The following RBPMS variants were observed in gnomAD, a reference collection of about 807,000 sequenced individuals.
The protein encoded by RBPMS is RNA-binding protein with multiple splicing.
RBPMS carries 7 observed loss-of-function variants against 26.8 expected under a neutral mutation model. That is an observed-to-expected ratio of 0.26 (90% CI 0.15 to 0.49). The LOEUF is 0.49. Among genes scored for constraint, RBPMS ranks in the 20% least tolerant of loss-of-function variants. The probability of loss-of-function intolerance (pLI) is 0.98; values close to 1 mark genes in which losing one functional copy is unlikely to be tolerated. For synonymous variants in RBPMS, 96 were observed against 93.3 expected (o/e 1.03, Z -0.17); for missense variants, 186 against 250.0 (o/e 0.74, Z 1.73).
chr8:30,562,679 A>C (rs1827597477), intron 7 of RBPMS, among the ~76,000 whole-genome samples: 1 of 152,206 alleles, frequency 6.6e-6, no homozygotes, highest in African/African-American at 2.4e-5. Context: ...AACCAGAACA[A>C]GTCAAAAAGG....
chr8:30,507,397 C>T (rs762316149), intron 5 of RBPMS, among the ~76,000 whole-genome samples: 5 of 152,074 alleles, frequency 3.3e-5, no homozygotes, highest in East Asian at 1.9e-4. Context: ...ACTAGGCAAA[C>T]GTAAAGTACA....
intron 1 of RBPMS, chr8:30,442,690 G>T (rs1295089401): frequency 6.6e-6 from 1 of 152,154 alleles, no homozygotes; most frequent in Admixed American, 6.6e-5. Flanking sequence ...TCAGGTGCGC[G>T]GCCGCACTTC....
intron 5 of RBPMS, among the ~76,000 whole-genome samples, chr8:30,529,767 T>C (rs559723767): frequency 6.1e-5 from 9 of 146,416 alleles, no homozygotes; most frequent in African/African-American, 2.2e-4. Flanking sequence ...TTTTTTTTTT[T>C]GGTGAGATGG....
At chr8:30,551,671 G>A (rs771048544) in intron 6 of RBPMS, among the ~76,000 whole-genome samples, 1 of 152,172 alleles carries the variant, frequency 6.6e-6, no homozygotes, top group African/African-American at 2.4e-5. Flanking sequence ...TGCCGTCTGC[G>A]CTCGGCTCTT....
At chr8:30,501,855 AT>A (rs1195027772) in intron 4 of RBPMS, among the ~76,000 whole-genome samples, 1 of 151,850 alleles carries the variant, frequency 6.6e-6, no homozygotes, top group Admixed American at 6.6e-5. Flanking sequence ...AACACAAGGA[AT>A]TTTTTTCTCT....
rs77398043 is a variant in RBPMS at position 30,410,015 on chromosome 8, A to G, written c.66+24857A>G. Reference sequence around the variant, plus strand: ...AAAAGACAATTCACCCAACAAGTATATATTGAATACCTACTATGTGCCTGG... The same window carrying G: ...AAAAGACAATTCACCCAACAAGTATGTATTGAATACCTACTATGTGCCTGG... On this transcript the variant is annotated intron_variant, in intron 1 of 8. Coordinates refer to ENST00000397323, the MANE Select transcript of RBPMS (RefSeq NM_001008710.3). 7.6e-3 allele frequency among the ~76,000 whole-genome samples: 1,156 copies of G among 152,248 alleles called. 24 individuals carry two copies. In the East Asian group the frequency reaches 0.079, roughly 10 times the overall value.
chr8:30,479,384 AC>A lies in RBPMS; in HGVS notation c.246+8del. Reference sequence around the variant, plus strand: ...TGCAAAGAATGCTTTGAATGTAAGTACTAATGATGTAATTGTAGGGGGTTTC... The same window carrying A: ...TGCAAAGAATGCTTTGAATGTAAGTATAATGATGTAATTGTAGGGGGTTTC... On this transcript the variant is annotated splice_region_variant and intron_variant, in intron 4 of 8. Transcript: ENST00000397323. The A allele has an allele frequency of 6.3e-7, 1 of 1,591,316 alleles. No individual in the cohort carries two copies. The highest frequency in any genetic ancestry group is 8.6e-7 in the Non-Finnish European group (1 of 1,165,628).
chr8:30,561,119 A>G (rs10282995), intron 7 of RBPMS, among the ~76,000 whole-genome samples: 5,353 of 152,186 alleles, frequency 0.035, 317 homozygotes, highest in African/African-American at 0.12. Context: ...TGTTCTTTTA[A>G]AATGTTTAAT....
chr8:30,558,372 C>T (rs561779368), intron 6 of RBPMS: 2 of 185,212 alleles, frequency 1.1e-5, no homozygotes, highest in African/African-American at 4.7e-5. Flanking sequence ...GGGTACCAGA[C>T]ACACACAGTG....
At position 30,453,452 on chromosome 8, in the gene RBPMS, T is replaced by TA. The variant is rs1329543425; in HGVS notation, c.67-21319dup. On this transcript the variant is annotated intron_variant, in intron 1 of 8. Coordinates refer to ENST00000397323, the MANE Select transcript of RBPMS (RefSeq NM_001008710.3). ...CTGCTTTTCATATATTCTACTTTTC[T>TA]AAAAAAAAGAAACAAAACAGCTTTT... 3.9e-5 allele frequency among the ~76,000 whole-genome samples: 6 copies of TA among 151,980 alleles called. No individual in the cohort carries two copies. The East Asian group carries it at 5.8e-4, about 15-fold the overall frequency.
Position 30,504,369 on chromosome 8 carries a change from CG to C in RBPMS, c.331del (p.Val111Ter). ...ANTKMAKNKL[V>X]GTPNPSTPLP... ...ACACGAAGATGGCCAAGAACAAACT[CG>C]TAGGGACTCCAAACCCCAGTACTCC... is the stretch of plus-strand genomic sequence containing the variant. On this transcript the variant is annotated frameshift_variant, in exon 5 of 9. Transcript: ENST00000397323. LOFTEE classifies it high-confidence loss of function. 1 of 1,614,180 alleles carries C rather than the reference CG, an allele frequency of 6.2e-7. No homozygotes were observed. Among genetic ancestry groups the C allele is most frequent in the Non-Finnish European group, 8.5e-7 (1 of 1,179,984 alleles).
intron 1 of RBPMS, among the ~76,000 whole-genome samples, chr8:30,425,539 T>G (rs1321291203): frequency 6.6e-6 from 1 of 151,956 alleles, no homozygotes; most frequent in African/African-American, 2.4e-5. Flanking sequence ...TAGCTGGGAT[T>G]AAGGCATGTG....
chr8:30,390,791 C>T (rs1272468865), intron 1 of RBPMS, among the ~76,000 whole-genome samples: 2 of 152,108 alleles, frequency 1.3e-5, no homozygotes, highest in Non-Finnish European at 2.9e-5. Context: ...TTACAGTATT[C>T]CCAATGTTCA....
intron 5 of RBPMS, among the ~76,000 whole-genome samples, chr8:30,513,932 C>T (rs1822010905): frequency 6.6e-6 from 1 of 152,154 alleles, no homozygotes; most frequent in African/African-American, 2.4e-5. Flanking sequence ...GCATGGTCCA[C>T]GCACCCCTGG....
intron 8 of RBPMS, among the ~76,000 whole-genome samples, chr8:30,569,599 G>T (rs1378708890): frequency 6.6e-6 from 1 of 152,200 alleles, no homozygotes; most frequent in South Asian, 2.1e-4. Flanking sequence ...GGAAAGATGA[G>T]CAGGGGTGGA....
chr8:30,568,389 C>T (rs528687908), intron 8 of RBPMS, among the ~76,000 whole-genome samples: 2 of 152,252 alleles, frequency 1.3e-5, no homozygotes, highest in African/African-American at 4.8e-5. Flanking sequence ...TGACTGGGTA[C>T]GAAGAGACCG....
At chr8:30,445,649 G>GATAGAT (rs1813650088) in intron 1 of RBPMS, among the ~76,000 whole-genome samples, 1 of 107,368 alleles carries the variant, frequency 9.3e-6, no homozygotes, top group Non-Finnish European at 1.9e-5. Flanking sequence ...TATACACACG[G>GATAGAT]ATATATATAT....
chr8:30,551,110 C>A (rs895750926), intron 6 of RBPMS, among the ~76,000 whole-genome samples: 20 of 152,158 alleles, frequency 1.3e-4, no homozygotes, highest in Admixed American at 3.9e-4. Context: ...CCAGGAAACC[C>A]GAGAATCTGC....
chr8:30,513,204 A>G (rs1052452725), intron 5 of RBPMS, among the ~76,000 whole-genome samples: 5 of 152,116 alleles, frequency 3.3e-5, no homozygotes, highest in African/African-American at 1.2e-4. Flanking sequence ...AGTGAGACAC[A>G]GAGGAGAAAG....
Sources: gnomAD v4.1 joint callset for allele counts (sites outside exome capture counted in the v4.1 genomes callset) on GRCh38, gnomAD v4.1.1 for gene constraint, MANE v1.5 for transcripts, NCBI Gene and HGNC (gene_info 2026-07-23, HGNC 2026-07-21) for gene names.